FOXP2: variants seen among roughly 807,000 people sequenced by gnomAD.
FOXP2 encodes the protein forkhead box protein P2.
In FOXP2, 12 loss-of-function variants were observed where a neutral mutation model predicts 115.8. That is an observed-to-expected ratio of 0.10 (90% confidence interval 0.07 to 0.17). The LOEUF (loss-of-function observed/expected upper bound fraction) is 0.17. Among genes scored for constraint, FOXP2 ranks in the 10% least tolerant of loss-of-function variants. The pLI is 1.00. For synonymous variants in FOXP2, 328 were observed against 297.7 expected (o/e 1.10, Z -1.05); for missense variants, 629 against 843.5 (o/e 0.75, Z 3.15).
rs112452534 is a variant in FOXP2 at position 114,196,039 on chromosome 7, A to G, written c.-102+32951A>G. On this transcript the variant is annotated intron_variant, in intron 1 of 17. Coordinates refer to the FOXP2 transcript ENST00000634411. ...TTAATTTATTTATTTATTGCGGCAG[A>G]GTCTCGCTCTGTCACCAGGCTGAAA... Among the ~76,000 whole-genome samples the G allele has an allele frequency of 1.8e-3, 274 of 152,258 alleles. 2 individuals carry two copies. The highest frequency in any genetic ancestry group is 6.2e-3 in the African/African-American group (257 of 41,544).
chr7:114,429,387 A>T (rs528728888), intron 2 of FOXP2, among the ~76,000 whole-genome samples: 10 of 151,200 alleles, frequency 6.6e-5, no homozygotes, highest in East Asian at 3.9e-4. Context: ...CAATTAGTTT[A>T]AAAAAAAGCC....
chr7:114,260,555 T>C (rs1320411604), intron 1 of FOXP2, among the ~76,000 whole-genome samples: 1 of 152,148 alleles, frequency 6.6e-6, no homozygotes, highest in East Asian at 1.9e-4. Context: ...CTGAATAGAC[T>C]GTTGGCCTGA....
At chr7:114,324,779 C>T (rs1164124734) in intron 2 of FOXP2, among the ~76,000 whole-genome samples, 4 of 151,706 alleles carry the variant, frequency 2.6e-5, no homozygotes, top group Non-Finnish European at 5.9e-5. Context: ...TAAAAATTGC[C>T]CCTTTGCTGT....
chr7:114,304,693 A>G (rs1398075954), intron 2 of FOXP2, among the ~76,000 whole-genome samples: 4 of 134,662 alleles, frequency 3.0e-5, no homozygotes, highest in Admixed American at 7.9e-5. Flanking sequence ...AAAAAAAAAA[A>G]AAAGAGTGTG....
intron 2 of FOXP2, among the ~76,000 whole-genome samples, chr7:114,459,140 G>T (rs924647759): frequency 8.5e-5 from 13 of 152,210 alleles, no homozygotes; most frequent in African/African-American, 3.1e-4. Flanking sequence ...GGAAAAAGCA[G>T]CCAGTCCTCT....
At chr7:114,447,940 T>C (rs1001287930) in intron 2 of FOXP2, among the ~76,000 whole-genome samples, 1 of 152,152 alleles carries the variant, frequency 6.6e-6, no homozygotes, top group Non-Finnish European at 1.5e-5. Flanking sequence ...TTCAGAGTGA[T>C]TTCTAGCAGA....
chr7:114,513,312 G>A (rs1273462408), intron 2 of FOXP2, among the ~76,000 whole-genome samples: 1 of 152,078 alleles, frequency 6.6e-6, no homozygotes, highest in African/African-American at 2.4e-5. Flanking sequence ...CATGCTTTGT[G>A]TAATGCATTG....
chr7:114,339,125 A>G (rs1791131278), intron 2 of FOXP2, among the ~76,000 whole-genome samples: 1 of 151,186 alleles, frequency 6.6e-6, no homozygotes, highest in South Asian at 2.1e-4. Flanking sequence ...TGTTAATTTT[A>G]CTATCTACTG....
intron 2 of FOXP2, among the ~76,000 whole-genome samples, chr7:114,392,485 T>G (rs1462374235): frequency 1.3e-5 from 2 of 152,224 alleles, no homozygotes; most frequent in African/African-American, 4.8e-5. Flanking sequence ...GGAATGATCT[T>G]TTGGAATCAA....
intron 3 of FOXP2, among the ~76,000 whole-genome samples, chr7:114,585,044 C>T (rs978595776): frequency 1.3e-5 from 2 of 152,086 alleles, no homozygotes; most frequent in Non-Finnish European, 1.5e-5. Context: ...GAATCAAAAA[C>T]GAAGTATAGT....
chr7:114,596,736 G>T (rs1802732318), intron 3 of FOXP2, among the ~76,000 whole-genome samples: 1 of 152,002 alleles, frequency 6.6e-6, no homozygotes, highest in South Asian at 2.1e-4. Flanking sequence ...CGTGTCCCAG[G>T]TATTTGGAAG....
rs943751874 is a variant in FOXP2, at chr7:114,497,661, ATAAG to A, written c.169-36952_169-36949del. On this transcript the variant is annotated intron_variant, in intron 2 of 16. Transcript: ENST00000350908. ...GAGCAAGCCTCCATCTAAAAAATAAATAAGTAAATAAATAAATAAATAAATAAAT... is the reference window on the plus strand; with the variant it reads ...GAGCAAGCCTCCATCTAAAAAATAAATAAATAAATAAATAAATAAATAAAT... Among the ~76,000 whole-genome samples, 29 of 120,230 alleles carry A rather than the reference ATAAG, an allele frequency of 2.4e-4. No individual in the cohort carries two copies. The East Asian group carries it at 3.3e-3, about 14-fold the overall frequency. The allele number at this position is 120,230 out of a possible 152,430, so 78.9% of individuals were successfully genotyped here. A position where few individuals can be genotyped will look rare whatever the true frequency, so the allele number is the denominator to read the frequency against.
chr7:114,360,646 C>A (rs2129187487), intron 2 of FOXP2, among the ~76,000 whole-genome samples: 1 of 152,186 alleles, frequency 6.6e-6, no homozygotes, highest in South Asian at 2.1e-4. Context: ...AAAAAAATTC[C>A]TAAGCATTGT....
At chr7:114,673,901 C>T (rs770148394) in intron 16 of FOXP2, among the ~76,000 whole-genome samples, 6 of 152,142 alleles carry the variant, frequency 3.9e-5, no homozygotes, top group Non-Finnish European at 8.8e-5. Context: ...GGGGTTTCAC[C>T]ATGTTGGCCA....
intron 1 of FOXP2, among the ~76,000 whole-genome samples, chr7:114,272,281 T>G (rs1020982850): frequency 6.6e-6 from 1 of 151,324 alleles, no homozygotes; most frequent in Non-Finnish European, 1.5e-5. Flanking sequence ...GGATTTGGTT[T>G]ATTAATATTT....
chr7:114,240,703 A>G (rs191036223), intron 1 of FOXP2, among the ~76,000 whole-genome samples: 2 of 152,008 alleles, frequency 1.3e-5, no homozygotes, highest in Admixed American at 6.6e-5. Context: ...ATTTTCAAAA[A>G]AAAACCCTAT....
chr7:114,114,266 T>TAC (rs1035197135), intron 1 of FOXP2, among the ~76,000 whole-genome samples: 15 of 150,540 alleles, frequency 1.0e-4, no homozygotes, highest in African/African-American at 1.7e-4. Context: ...TATGTGTATA[T>TAC]ACACACACAC....
At chr7:114,117,224 C>CTT (rs749660809) in intron 1 of FOXP2, among the ~76,000 whole-genome samples, 1 of 140,766 alleles carries the variant, frequency 7.1e-6, no homozygotes. Flanking sequence ...CATTACATTA[C>CTT]TTTTTTTTTT....
chr7:114,134,889 G>A (rs1206732597), intron 1 of FOXP2, among the ~76,000 whole-genome samples: 1 of 151,950 alleles, frequency 6.6e-6, no homozygotes, highest in Non-Finnish European at 1.5e-5. Flanking sequence ...CAAATAAAAT[G>A]GTGTCATTTA....
Sources: gnomAD v4.1 joint callset for allele counts (sites outside exome capture counted in the v4.1 genomes callset) on GRCh38, gnomAD v4.1.1 for gene constraint, MANE v1.5 for transcripts, NCBI Gene and HGNC (gene_info 2026-07-23, HGNC 2026-07-21) for gene names.